The following MTUS2 variants were observed in gnomAD, a reference collection of about 807,000 sequenced individuals.
MTUS2 encodes the protein microtubule-associated tumor suppressor candidate 2.
MTUS2 carries 40 observed loss-of-function variants against 114.1 expected under a neutral mutation model. The observed-to-expected ratio is 0.35, with a 90% confidence interval of 0.27 to 0.46. The LOEUF is 0.46. MTUS2 is among the 20% of genes least tolerant of loss of function. MTUS2 has a pLI of 1.00. For missense variants in MTUS2, 1,679 were observed against 1,705.4 expected (o/e 0.98, Z 0.27); for synonymous variants, 688 against 672.0 (o/e 1.02, Z -0.37).
chr13:29,389,441 G>A (rs1260103671), intron 8 of MTUS2, among the ~76,000 whole-genome samples: 6 of 94,594 alleles, frequency 6.3e-5, no homozygotes, highest in East Asian at 5.5e-4. Flanking sequence ...GTGTGTGTAT[G>A]TGTATGTATA....
chr13:29,296,100 G>C (rs936484049), intron 6 of MTUS2, among the ~76,000 whole-genome samples: 2 of 152,126 alleles, frequency 1.3e-5, no homozygotes, highest in South Asian at 4.1e-4. Context: ...CATAAATTTG[G>C]GAGTGCAGAT....
rs1288271371 is a variant in MTUS2 at position 29,504,848 on chromosome 13, G to C, written c.*1642G>C. On this transcript the variant is annotated 3_prime_UTR_variant, in exon 16 of 16. Coordinates refer to ENST00000612955, the MANE Select transcript of MTUS2 (RefSeq NM_001033602.4). ...GAAGAACCATGAGGGGGTCCTGCAG[G>C]GGCCGGAGCCATGGAACGGGGAAGA... 1 of 232,692 alleles carries C rather than the reference G, an allele frequency of 4.3e-6. No individual in the cohort carries two copies. The highest frequency in any genetic ancestry group is 6.0e-5 in the East Asian group (1 of 16,540). The allele number at this position is 232,692 out of a possible 1,614,324, so 14.4% of individuals were successfully genotyped here.
intron 2 of MTUS2, among the ~76,000 whole-genome samples, chr13:28,856,676 G>A (rs1876649426): frequency 6.6e-6 from 1 of 152,164 alleles, no homozygotes; most frequent in Admixed American, 6.5e-5. Context: ...ATTTGTTTAC[G>A]GAATATCAAG....
chr13:29,164,926 A>G (rs1204815098), intron 5 of MTUS2, among the ~76,000 whole-genome samples: 1 of 152,244 alleles, frequency 6.6e-6, no homozygotes, highest in Non-Finnish European at 1.5e-5. Flanking sequence ...TATTTAAGGT[A>G]GAAATGTATT....
chr13:28,971,686 GCTTT>G (rs1291536269), intron 2 of MTUS2, among the ~76,000 whole-genome samples: 1 of 152,152 alleles, frequency 6.6e-6, no homozygotes, highest in Non-Finnish European at 1.5e-5. Context: ...TTTTCATAAT[GCTTT>G]CTATTTTACG....
intron 4 of MTUS2, among the ~76,000 whole-genome samples, chr13:29,084,343 C>G (rs900388443): frequency 3.3e-5 from 5 of 151,346 alleles, no homozygotes; most frequent in African/African-American, 1.2e-4. Flanking sequence ...CCATCTCTTT[C>G]TTCTTCCCTC....
chr13:28,926,753 C>T (rs1194611262), intron 2 of MTUS2, among the ~76,000 whole-genome samples: 1 of 151,984 alleles, frequency 6.6e-6, no homozygotes, highest in Non-Finnish European at 1.5e-5. Flanking sequence ...AAAATTTTCC[C>T]ATAAATCCCC....
At chr13:29,337,189 A>G (rs1001931078) in intron 7 of MTUS2, among the ~76,000 whole-genome samples, 19 of 49,568 alleles carry the variant, frequency 3.8e-4, no homozygotes, top group Middle Eastern at 0.011. Context: ...CCACTGGCAT[A>G]TGAAAAAAAA....
At chr13:29,057,632 T>G (rs559438646) in intron 4 of MTUS2, among the ~76,000 whole-genome samples, 7 of 152,318 alleles carry the variant, frequency 4.6e-5, no homozygotes, top group African/African-American at 1.4e-4. Flanking sequence ...TGCTTTTTCC[T>G]GTGTTTTCTT....
At chr13:29,229,658 A>G (rs1053018163) in intron 5 of MTUS2, among the ~76,000 whole-genome samples, 5 of 152,222 alleles carry the variant, frequency 3.3e-5, no homozygotes, top group South Asian at 2.1e-4. Flanking sequence ...AAGGTATAAA[A>G]TCCAACAATA....
In MTUS2 at chr13:29,332,288, G is replaced by T. The variant is rs976163548; in HGVS notation, c.2905+7577G>T. 2.6e-5 allele frequency among the ~76,000 whole-genome samples: 4 copies of T among 151,854 alleles called. No individual in the cohort carries two copies. In the South Asian group the frequency reaches 8.3e-4, roughly 31 times the overall value. ...CGACTTCTTCCTGGTTTAGTATTGGGAGGGTGTATGTGCCCAGGAATTTAT... is the reference window on the plus strand; with the variant it reads ...CGACTTCTTCCTGGTTTAGTATTGGTAGGGTGTATGTGCCCAGGAATTTAT... On this transcript the variant is annotated intron_variant, in intron 7 of 15. Coordinates refer to ENST00000612955, the MANE Select transcript of MTUS2 (RefSeq NM_001033602.4).
intron 2 of MTUS2, among the ~76,000 whole-genome samples, chr13:28,977,474 C>G (rs1248914969): frequency 1.3e-5 from 2 of 152,158 alleles, no homozygotes; most frequent in Non-Finnish European, 2.9e-5. Flanking sequence ...ACTATTTTCT[C>G]AATTCCCAAC....
At chr13:29,334,826 G>A (rs4316607) in intron 7 of MTUS2, among the ~76,000 whole-genome samples, 123,001 of 152,146 alleles carry the variant, frequency 0.81, 50,633 homozygotes, top group East Asian at 0.9. Flanking sequence ...TGAAGATTTC[G>A]TGGATATTTA....
intron 6 of MTUS2, among the ~76,000 whole-genome samples, chr13:29,300,079 A>G (rs1899129573): frequency 6.6e-6 from 1 of 152,214 alleles, no homozygotes; most frequent in Non-Finnish European, 1.5e-5. Context: ...CAAGTAAGGG[A>G]AAAGATCCAT....
intron 5 of MTUS2, among the ~76,000 whole-genome samples, chr13:29,266,247 C>T (rs370728878): frequency 5.9e-5 from 9 of 152,166 alleles, no homozygotes; most frequent in African/African-American, 2.2e-4. Flanking sequence ...TAATTAGGTA[C>T]CACTTTTATC....
chr13:29,040,616 C>T (rs1482548285), intron 4 of MTUS2, among the ~76,000 whole-genome samples: 4 of 152,140 alleles, frequency 2.6e-5, no homozygotes, highest in Non-Finnish European at 5.9e-5. Context: ...ACATCCACAC[C>T]AACATCTATT....
At chr13:29,383,323 T>G (rs952092495) in intron 8 of MTUS2, among the ~76,000 whole-genome samples, 39 of 151,366 alleles carry the variant, frequency 2.6e-4, no homozygotes, top group African/African-American at 9.5e-4. Flanking sequence ...AATCATATTT[T>G]AAAATAGATG....
At chr13:29,209,520 A>T (rs1895335406) in intron 5 of MTUS2, among the ~76,000 whole-genome samples, 1 of 148,556 alleles carries the variant, frequency 6.7e-6, no homozygotes. Flanking sequence ...TTATTGTTTT[A>T]TATATCCTGT....
Position 29,026,176 on chromosome 13 carries a change from G to T in MTUS2, c.1478G>T (p.Arg493Leu), listed in dbSNP as rs753146187. The T allele has an allele frequency of 5.6e-6, 9 of 1,613,952 alleles. No individual in the cohort carries two copies. The highest frequency in any genetic ancestry group is 1.6e-4 in the Middle Eastern group (1 of 6,062). ...VPEPLDPQSG[R>L]SEARESKEVT... ...GAGCCCCTGGACCCTCAAAGTGGCC[G>T]CTCAGAAGCACGGGAAAGCAAAGAG... The change falls in exon 3 of 16, where the codon CGC becomes CTC. Residue 493 changes from arginine (R) to leucine (L), a missense_variant. Arg to Leu is a moderately radical substitution (Grantham distance 102). Transcript: ENST00000612955.
Sources: allele counts gnomAD v4.1 joint callset (sites outside exome capture counted in the v4.1 genomes callset), GRCh38; gene constraint gnomAD v4.1.1; transcripts MANE v1.5; gene names NCBI Gene and HGNC (gene_info 2026-07-23, HGNC 2026-07-21).